Variants in WWC1 observed in about 807,000 individuals in gnomAD.
WWC1 encodes the protein WW and C2 domain containing 1.
Under a neutral mutation model 138.4 loss-of-function variants are expected in WWC1, and 55 were observed. The ratio of observed to expected loss-of-function variants is 0.40; its 90% CI spans 0.32 to 0.50. WWC1 has a LOEUF of 0.50. Among genes scored for constraint, WWC1 ranks in the 20% least tolerant of loss-of-function variants. The pLI, the probability that WWC1 is intolerant of heterozygous loss-of-function variation, is 0.72. For synonymous variants in WWC1, 524 were observed against 564.9 expected (o/e 0.93, Z 1.03); for missense variants, 1,226 against 1,420.4 (o/e 0.86, Z 2.20).
rs139629316 is a variant in WWC1 at position 168,293,810 on chromosome 5, T to A, written c.119+1539T>A. On this transcript the variant is annotated intron_variant, in intron 1 of 22. Transcript: ENST00000265293. The stretch of plus-strand genomic sequence containing the variant: ...AAAATTTGAAGCCCAGAGGTGTGAT[T>A]TGCTCAAGTATTTTGATTTTTCTGC... Among the ~76,000 whole-genome samples, 19 of 152,282 alleles carry A rather than the reference T, an allele frequency of 1.2e-4. No individual in the cohort carries two copies. The East Asian group carries it at 3.7e-3, about 29-fold the overall frequency.
chr5:168,445,701 CAAAAAAAAAAA>C (rs763044458), intron 17 of WWC1, among the ~76,000 whole-genome samples: 5 of 50,684 alleles, frequency 9.9e-5, no homozygotes, highest in Non-Finnish European at 1.9e-4. Flanking sequence ...GACTCTGTCT[CAAAAAAAAAAA>C]AAAAAAAAAA....
At chr5:168,399,344 T>G (rs1779140952) in intron 4 of WWC1, 144 bp from the exon 5 acceptor site, 2 of 729,848 alleles carry the variant, frequency 2.7e-6, no homozygotes, top group South Asian at 3.6e-5. Context: ...GAGGGGGCTC[T>G]GACCAGTGTG....
At chr5:168,365,835 G>A (rs12652143) in intron 1 of WWC1, among the ~76,000 whole-genome samples, 5,881 of 152,346 alleles carry the variant, frequency 0.039, 168 homozygotes, top group East Asian at 0.18. Flanking sequence ...GGCAGAACTC[G>A]TTCTTGTCTG....
At chr5:168,349,963 C>T (rs1263666539) in intron 1 of WWC1, among the ~76,000 whole-genome samples, 2 of 152,172 alleles carry the variant, frequency 1.3e-5, no homozygotes, top group South Asian at 2.1e-4. Context: ...CCTCCAAATG[C>T]GGACAGCTCA....
At chr5:168,306,865 G>A (rs1373970828) in intron 1 of WWC1, among the ~76,000 whole-genome samples, 1 of 152,246 alleles carries the variant, frequency 6.6e-6, no homozygotes, top group Non-Finnish European at 1.5e-5. Context: ...CCAAAGTGCT[G>A]GGATTATAGG....
intron 3 of WWC1, among the ~76,000 whole-genome samples, chr5:168,390,406 C>G (rs556166498): frequency 1.3e-5 from 2 of 152,270 alleles, no homozygotes; most frequent in Non-Finnish European, 2.9e-5. Flanking sequence ...GATATGACTT[C>G]CAGACACTCC....
At chr5:168,371,565 C>T (rs772821692) in intron 2 of WWC1, 32 bp downstream of exon 2, 1 of 1,499,186 alleles carries the variant, frequency 6.7e-7, no homozygotes, top group South Asian at 1.2e-5. Context: ...CTTCCCTGTG[C>T]CCTCTTCATC....
chr5:168,447,969 C>T (rs1172559103), intron 17 of WWC1, among the ~76,000 whole-genome samples: 4 of 152,156 alleles, frequency 2.6e-5, no homozygotes, highest in Non-Finnish European at 4.4e-5. Flanking sequence ...GGACCTATCT[C>T]CCAAAACCCT....
At chr5:168,307,858 C>T (rs148202954) in intron 1 of WWC1, among the ~76,000 whole-genome samples, 1 of 152,248 alleles carries the variant, frequency 6.6e-6, no homozygotes, top group East Asian at 1.9e-4. Flanking sequence ...GATCTGCCCA[C>T]CTTGGCCTCC....
intron 3 of WWC1, among the ~76,000 whole-genome samples, chr5:168,395,201 A>G (rs1473193625): frequency 6.6e-6 from 1 of 152,190 alleles, no homozygotes; most frequent in Non-Finnish European, 1.5e-5. Context: ...CGCTGCTGCC[A>G]CAGTCTCCTC....
At chr5:168,341,677 G>T (rs2152778473) in intron 1 of WWC1, among the ~76,000 whole-genome samples, 1 of 151,148 alleles carries the variant, frequency 6.6e-6, no homozygotes, top group Non-Finnish European at 1.5e-5. Flanking sequence ...CCTCTTCAAA[G>T]CGGTGCAGGT....
At chr5:168,373,505 G>T (rs1189341341) in intron 2 of WWC1, among the ~76,000 whole-genome samples, 1 of 152,016 alleles carries the variant, frequency 6.6e-6, no homozygotes, top group African/African-American at 2.4e-5. Context: ...GTAGGAATAT[G>T]AGCACCAAGG....
intron 1 of WWC1, among the ~76,000 whole-genome samples, chr5:168,340,053 C>CTTTCT (rs371095682): frequency 0.15 from 21,021 of 138,828 alleles, 3,212 homozygotes; most frequent in African/African-American, 0.4. Context: ...TTCTTTCTTT[C>CTTTCT]TTTCTTTTCT....
intron 9 of WWC1, among the ~76,000 whole-genome samples, chr5:168,420,891 T>A (rs1253551021): frequency 6.6e-6 from 1 of 152,142 alleles, no homozygotes; most frequent in Non-Finnish European, 1.5e-5. Context: ...ACAGTCATGG[T>A]GACCTCAAGA....
chr5:168,329,153 G>A (rs961713328), intron 1 of WWC1, among the ~76,000 whole-genome samples: 1 of 152,146 alleles, frequency 6.6e-6, no homozygotes, highest in Non-Finnish European at 1.5e-5. Context: ...AAGTCCTATC[G>A]GAGAGCTTCC....
intron 1 of WWC1, among the ~76,000 whole-genome samples, chr5:168,318,590 G>A (rs983679871): frequency 1.6e-4 from 23 of 140,260 alleles, no homozygotes; most frequent in Non-Finnish European, 2.3e-4. Flanking sequence ...ATGGAGTTTC[G>A]CTCTTGTTGC....
chr5:168,385,319 T>C lies in WWC1; in HGVS notation c.338T>C (p.Ile113Thr), dbSNP rs781748133. Residue 113 changes from isoleucine (I) to threonine (T), a missense_variant, in exon 3 of 23, where the codon ATC becomes ACC. By Grantham distance (89) the Ile-to-Thr change is moderately conservative. This residue lies in a region of WWC1 where 1,016 missense variants were observed against 1,153.9 expected (regional missense o/e 0.88). Coordinates refer to ENST00000265293, the MANE Select transcript of WWC1 (RefSeq NM_015238.3). ...AQEALSAQKE[I>T]YQVKQQRLEL... ...GAGGCTCTGAGTGCACAAAAGGAGA[T>C]CTACCAGGTGAAGCAGCAGCGCCTG... 1 of 1,614,022 alleles carries C rather than the reference T, an allele frequency of 6.2e-7. No individual in the cohort carries two copies. Among genetic ancestry groups the C allele is most frequent in the Non-Finnish European group, 8.5e-7 (1 of 1,179,988 alleles).
chr5:168,421,913 A>C, intron 9 of WWC1, 95 bp from the exon 10 acceptor site: 1 of 1,020,966 alleles, frequency 9.8e-7, no homozygotes, highest in Non-Finnish European at 1.5e-6. Flanking sequence ...GCTTTACGGA[A>C]AGTTCTTGTG....
chr5:168,446,232 T>TTA (rs1375651543), intron 17 of WWC1, among the ~76,000 whole-genome samples: 4 of 58,752 alleles, frequency 6.8e-5, no homozygotes, highest in Non-Finnish European at 1.2e-4. Flanking sequence ...CTCCCATTAT[T>TTA]AAAAAAAAAA....
Sources: gnomAD v4.1 joint callset for allele counts (sites outside exome capture counted in the v4.1 genomes callset) on GRCh38, gnomAD v4.1.1 for gene constraint, gnomAD v4.1.1 regional missense constraint, MANE v1.5 for transcripts, NCBI Gene and HGNC (gene_info 2026-07-23, HGNC 2026-07-21) for gene names.